VRTN: variants seen among roughly 807,000 people sequenced by gnomAD.
VRTN encodes vertebrae development associated.
In VRTN, 5 loss-of-function variants were observed where a neutral mutation model predicts 18.2. The ratio of observed to expected loss-of-function variants is 0.27; its 90% CI spans 0.14 to 0.58. VRTN has a LOEUF of 0.58. Among genes scored for constraint, VRTN ranks in the 20% least tolerant of loss-of-function variants. The pLI is 0.91. For synonymous variants in VRTN, 381 were observed against 393.7 expected (o/e 0.97, Z 0.38); for missense variants, 741 against 939.4 (o/e 0.79, Z 2.76).
At chr14:74,330,253 G>A (rs2085512927) in intron 1 of VRTN, among the ~76,000 whole-genome samples, 1 of 151,986 alleles carries the variant, frequency 6.6e-6, no homozygotes, top group Non-Finnish European at 1.5e-5. Context: ...AGAAATGGAA[G>A]GAAGGAAAGG....
chr14:74,315,322 T>G (rs924576087), intron 1 of VRTN, among the ~76,000 whole-genome samples: 3 of 152,170 alleles, frequency 2.0e-5, no homozygotes, highest in Non-Finnish European at 4.4e-5. Flanking sequence ...CATGCGAGTC[T>G]TGTGCCTCAG....
At position 74,357,764 on chromosome 14, in the gene VRTN, G is replaced by A. The variant is rs753117400; in HGVS notation, c.981G>A (p.Gly327=). Residue 327 remains glycine (G), a synonymous_variant, in exon 2 of 2, where the codon GGG becomes GGA. Coordinates refer to ENST00000256362, the MANE Select transcript of VRTN (RefSeq NM_018228.3). The surrounding 1 kb of genome is among the most constrained non-coding windows in gnomAD (Gnocchi z 7.8). ...TCCTGCAGGACAGCTTCCACCGGGG[G>A]GGCGTCGTGCCACTTCAGCAGTTCC... The part of the protein sequence containing the change: ...KHFLQDSFHR[G]GVVPLQQFLQ... 134 of 1,613,042 alleles carry A rather than the reference G, an allele frequency of 8.3e-5. No homozygotes were observed. Among genetic ancestry groups the A allele is most frequent in the Non-Finnish European group, 1.1e-4 (132 of 1,180,040 alleles).
chr14:74,345,602 A>AT (rs1360640279), upstream of VRTN, among the ~76,000 whole-genome samples: 1 of 152,024 alleles, frequency 6.6e-6, no homozygotes. Flanking sequence ...TTAGTCAAAA[A>AT]TGTTTTTAAA....
At position 74,315,740 on chromosome 14, in the gene VRTN, C is replaced by T. The variant is rs80184353; in HGVS notation, c.-164+12564C>T. Reference sequence around the variant, plus strand: ...TGTCACAAGTAGGGTCCACTGGATCCACACCCTGAGACAATGCTTATCATG... The same window carrying T: ...TGTCACAAGTAGGGTCCACTGGATCTACACCCTGAGACAATGCTTATCATG... On this transcript the variant is annotated intron_variant, in intron 1 of 2. Coordinates refer to the VRTN transcript ENST00000557177. Among the ~76,000 whole-genome samples, 347 of 151,654 alleles carry T rather than the reference C, an allele frequency of 2.3e-3. 21 individuals carry two copies. In the East Asian group the frequency reaches 0.062, roughly 27 times the overall value.
At chr14:74,350,783 T>C (rs1490703698) in intron 1 of VRTN, among the ~76,000 whole-genome samples, 2 of 152,256 alleles carry the variant, frequency 1.3e-5, no homozygotes, top group South Asian at 2.1e-4. Context: ...GTAGTTCACA[T>C]GGAAGGAAGG....
intron 1 of VRTN, among the ~76,000 whole-genome samples, chr14:74,305,274 T>C (rs1457906275): frequency 2.7e-5 from 4 of 150,912 alleles, no homozygotes; most frequent in African/African-American, 9.8e-5. Context: ...GGAGGTTGCA[T>C]TGAACTGAGA....
chr14:74,339,443 G>A (rs115196477), intron 2 of VRTN, among the ~76,000 whole-genome samples: 158 of 126,196 alleles, frequency 1.3e-3, no homozygotes, highest in Middle Eastern at 5.7e-3. Context: ...TCAGTCCTGG[G>A]TACAGGCAAG....
intron 1 of VRTN, among the ~76,000 whole-genome samples, chr14:74,307,364 A>C (rs1405048202): frequency 6.6e-6 from 1 of 151,990 alleles, no homozygotes; most frequent in African/African-American, 2.4e-5. Context: ...TCCTTACCTC[A>C]GTTGATCCAC....
At chr14:74,327,843 C>T (rs1216729413) in intron 1 of VRTN, among the ~76,000 whole-genome samples, 1 of 152,190 alleles carries the variant, frequency 6.6e-6, no homozygotes, top group Non-Finnish European at 1.5e-5. Flanking sequence ...GCCTCAGCCT[C>T]CCAAGTAGCT....
At chr14:74,325,322 C>T (rs143953491) in intron 1 of VRTN, among the ~76,000 whole-genome samples, 217 of 151,832 alleles carry the variant, frequency 1.4e-3, no homozygotes, top group African/African-American at 5.0e-3. Flanking sequence ...TGTTGAAAGA[C>T]GCCAAAAAAA....
intron 1 of VRTN, among the ~76,000 whole-genome samples, chr14:74,336,823 G>A (rs2140204544): frequency 6.6e-6 from 1 of 152,170 alleles, no homozygotes; most frequent in African/African-American, 2.4e-5. Context: ...TCCTCTAGGT[G>A]ACTTTAGAGA....
intron 1 of VRTN, among the ~76,000 whole-genome samples, chr14:74,333,443 T>C (rs2085542426): frequency 6.6e-6 from 1 of 151,788 alleles, no homozygotes; most frequent in African/African-American, 2.4e-5. Flanking sequence ...TGAGCCAAGA[T>C]GATGCCATTG....
At chr14:74,343,999 T>C (rs1307949705), upstream of VRTN, among the ~76,000 whole-genome samples, 8 of 151,146 alleles carry the variant, frequency 5.3e-5, no homozygotes, top group African/African-American at 1.5e-4. Flanking sequence ...GGTTTCACCA[T>C]GTGGGCCAGG....
At chr14:74,326,255 A>G (rs1452024260) in intron 1 of VRTN, among the ~76,000 whole-genome samples, 1 of 152,188 alleles carries the variant, frequency 6.6e-6, no homozygotes, top group Non-Finnish European at 1.5e-5. Context: ...GGAACAGAAA[A>G]GAAAGAAAGA....
chr14:74,359,410 T>C lies in VRTN; in HGVS notation c.*518T>C, dbSNP rs1402694749. ...TAGGCTCGAATATGGGGGCCAGGTG[T>C]GGTGGCTTATGCCTGTAATCCTAGC... is the stretch of plus-strand genomic sequence containing the variant. On this transcript the variant is annotated 3_prime_UTR_variant, in exon 2 of 2. Transcript: ENST00000256362. The C allele has an allele frequency of 5.9e-6, 1 of 168,342 alleles. No homozygotes were observed. Among genetic ancestry groups the C allele is most frequent in the Non-Finnish European group, 1.4e-5 (1 of 69,180 alleles). The allele number at this position is 168,342 out of a possible 1,614,324, so 10.4% of individuals were successfully genotyped here.
chr14:74,346,125 A>G (rs1328646199), upstream of VRTN, among the ~76,000 whole-genome samples: 1 of 149,934 alleles, frequency 6.7e-6, no homozygotes, highest in East Asian at 2.0e-4. Flanking sequence ...ACATAGGGAG[A>G]CCCTGTTTCT....
chr14:74,353,237 A>C (rs1423140405), intron 1 of VRTN, among the ~76,000 whole-genome samples: 1 of 152,154 alleles, frequency 6.6e-6, no homozygotes, highest in African/African-American at 2.4e-5. Flanking sequence ...TGTAGTGAGC[A>C]AAGAATGAGC....
rs1286146337 is a variant in VRTN at position 74,358,372 on chromosome 14, G to A, written c.1589G>A (p.Arg530His). The A allele has an allele frequency of 2.5e-6, 4 of 1,613,718 alleles. No individual in the cohort carries two copies. Among genetic ancestry groups the A allele is most frequent in the Admixed American group, 1.7e-5 (1 of 60,012 alleles). ...GGGCATCTCCCTTTCTGCCGCTTCC[G>A]CCTCCGCTACCCCAGCCTGTCACCT... ...LSGHLPFCRF[R>H]LRYPSLSPSA... The change falls in exon 2 of 2, where the codon CGC (arginine) becomes CAC (histidine). Residue 530 changes from arginine to histidine, a missense_variant. Around this residue, in one of 3 missense-constraint regions of VRTN, gnomAD observed 494 missense variants for 546.5 expected, o/e 0.90. Transcript: ENST00000256362. This position sits in a 1 kb window ranked among gnomAD's most constrained non-coding sequence, Gnocchi z 5.4.
intron 1 of VRTN, among the ~76,000 whole-genome samples, chr14:74,311,688 G>A (rs1359381322): frequency 2.0e-5 from 3 of 151,908 alleles, no homozygotes; most frequent in African/African-American, 4.8e-5. Context: ...GGGATTATAG[G>A]GGTGAGCCAC....
Sources: gnomAD v4.1 joint callset for allele counts (sites outside exome capture counted in the v4.1 genomes callset) on GRCh38, gnomAD v4.1.1 for gene constraint, gnomAD v4.1.1 regional missense constraint, Gnocchi (gnomAD v3.1) non-coding constraint, MANE v1.5 for transcripts, NCBI Gene and HGNC (gene_info 2026-07-23, HGNC 2026-07-21) for gene names.